DYNC2H1: variants seen among roughly 807,000 people sequenced by gnomAD.
DYNC2H1 encodes cytoplasmic dynein 2 heavy chain 1.
DYNC2H1 carries 410 observed loss-of-function variants against 570.0 expected under a neutral mutation model. The observed-to-expected ratio is 0.72, with a 90% confidence interval of 0.66 to 0.78. DYNC2H1 has a LOEUF of 0.78. DYNC2H1 is among the 30% of genes least tolerant of loss of function. The pLI is 0.00. For synonymous variants in DYNC2H1, 1,688 were observed against 1,677.6 expected (o/e 1.01, Z -0.15); for missense variants, 4,865 against 5,046.4 (o/e 0.96, Z 1.09).
Position 103,209,820 on chromosome 11 carries a change from T to A in DYNC2H1, c.8455-56T>A. The A allele has an allele frequency of 7.6e-7, 1 of 1,323,004 alleles. No individual in the cohort carries two copies. The allele number at this position is 1,323,004 out of a possible 1,614,324, so 82.0% of individuals were successfully genotyped here. A position where few individuals can be genotyped will look rare whatever the true frequency, so the allele number is the denominator to read the frequency against. On this transcript the variant is annotated intron_variant, in intron 52 of 88. Coordinates refer to ENST00000375735, the MANE Select transcript of DYNC2H1 (RefSeq NM_001377.3). This position sits in a 1 kb window ranked among gnomAD's most constrained non-coding sequence, Gnocchi z 4.2. The stretch of plus-strand genomic sequence containing the variant: ...TGACTTTTTTTGTATTAAAGGTTTT[T>A]AACTTATGATATGGGACTTATACTC...
chr11:103,157,559 A>C lies in DYNC2H1; in HGVS notation c.4127+789A>C, dbSNP rs1860892696. The stretch of plus-strand genomic sequence containing the variant: ...CACTTTTACATACATTAAGTTGCCA[A>C]ATTTTGTTGATTCTAACCTGCTTAG... On this transcript the variant is annotated intron_variant, in intron 26 of 88. Transcript: ENST00000375735. The surrounding 1 kb of genome is among the most constrained non-coding windows in gnomAD (Gnocchi z 4.2). Among the ~76,000 whole-genome samples the C allele has an allele frequency of 6.6e-6, 1 of 152,206 alleles. No individual in the cohort carries two copies. The highest frequency in any genetic ancestry group is 2.1e-4 in the South Asian group (1 of 4,834).
chr11:103,459,385 T>C (rs185352701), intron 87 of DYNC2H1, among the ~76,000 whole-genome samples: 1 of 152,020 alleles, frequency 6.6e-6, no homozygotes, highest in African/African-American at 2.4e-5. Context: ...TGTTTTCGTA[T>C]TACTACTATT....
intron 84 of DYNC2H1, among the ~76,000 whole-genome samples, chr11:103,400,210 G>C (rs1167044129): frequency 6.6e-6 from 1 of 152,128 alleles, no homozygotes; most frequent in Admixed American, 6.5e-5. Flanking sequence ...CCAACAGAAA[G>C]AACACGTGTT....
intron 83 of DYNC2H1, among the ~76,000 whole-genome samples, chr11:103,399,141 T>TTC (rs1942518463): frequency 1.4e-5 from 2 of 139,752 alleles, no homozygotes; most frequent in South Asian, 2.3e-4. Context: ...CCACACCGTT[T>TTC]TTTTTTTGTT....
At position 103,282,231 on chromosome 11, in the gene DYNC2H1, T is replaced by A; in HGVS notation, c.10812+2T>A. 1 of 1,607,410 alleles carries A rather than the reference T, an allele frequency of 6.2e-7. No homozygotes were observed. The highest frequency in any genetic ancestry group is 1.1e-5 in the South Asian group (1 of 89,280). On this transcript the variant is annotated splice_donor_variant, in intron 72 of 88. Transcript: ENST00000375735. LOFTEE classifies it high-confidence loss of function. ...GTTGGAGACATGTTACGGAAAGCTG[T>A]AAGTTAAAATAACAAAATCTATTTT...
intron 82 of DYNC2H1, among the ~76,000 whole-genome samples, chr11:103,354,189 A>C (rs1249038130): frequency 6.6e-6 from 1 of 150,680 alleles, no homozygotes; most frequent in African/African-American, 2.4e-5. Context: ...AACAAAAAAA[A>C]AAAAAAAAAA....
At position 103,244,269 on chromosome 11, in the gene DYNC2H1, G is replaced by GT. The variant is rs1263320252; in HGVS notation, c.9918+479dup. Among the ~76,000 whole-genome samples, 3 of 151,962 alleles carry GT rather than the reference G, an allele frequency of 2.0e-5. No homozygotes were observed. Among genetic ancestry groups the GT allele is most frequent in the Non-Finnish European group, 4.4e-5 (3 of 67,942 alleles). Reference sequence around the variant, plus strand: ...TATCCCAAGATTTGATAATTGTTCAGTGAAATATAATCATAGTCTTTTTGG... The same window carrying GT: ...TATCCCAAGATTTGATAATTGTTCAGTTGAAATATAATCATAGTCTTTTTGG... On this transcript the variant is annotated intron_variant, in intron 64 of 88. Coordinates refer to ENST00000375735, the MANE Select transcript of DYNC2H1 (RefSeq NM_001377.3). The surrounding 1 kb of genome is among the most constrained non-coding windows in gnomAD (Gnocchi z 4.3).
chr11:103,287,165 T>C (rs1052439053), intron 74 of DYNC2H1, among the ~76,000 whole-genome samples: 1 of 151,764 alleles, frequency 6.6e-6, no homozygotes, highest in African/African-American at 2.4e-5. Context: ...AACGTAAAAA[T>C]AGTGATTTGA....
chr11:103,346,627 TATC>T (rs59439164), intron 82 of DYNC2H1, among the ~76,000 whole-genome samples: 22,588 of 152,118 alleles, frequency 0.15, 1,804 homozygotes, highest in Admixed American at 0.25. Flanking sequence ...TATTTACTAA[TATC>T]ATAGACTTGA....
intron 55 of DYNC2H1, 63 bp from the exon 56 acceptor site, chr11:103,219,852 A>C: frequency 1.1e-6 from 1 of 937,684 alleles, no homozygotes; most frequent in South Asian, 1.6e-5. Context: ...TATATTTTGG[A>C]TTTCATGCTT....
rs1454156232 is a variant in DYNC2H1 at position 103,461,042 on chromosome 11, C to T, written c.12648+4686C>T. The stretch of plus-strand genomic sequence containing the variant: ...TCTACATATGAGATTTAAGATAACT[C>T]GACAGAACTTTTCCTCTCTCTGGTC... On this transcript the variant is annotated intron_variant, in intron 87 of 88. Transcript: ENST00000375735. The surrounding 1 kb of genome is among the most constrained non-coding windows in gnomAD (Gnocchi z 4.8). Among the ~76,000 whole-genome samples, 3 of 152,088 alleles carry T rather than the reference C, an allele frequency of 2.0e-5. No homozygotes were observed. The highest frequency in any genetic ancestry group is 3.9e-4 in the East Asian group (2 of 5,194).
At chr11:103,262,041 C>CT (rs888399992) in intron 70 of DYNC2H1, among the ~76,000 whole-genome samples, 4 of 151,688 alleles carry the variant, frequency 2.6e-5, no homozygotes, top group African/African-American at 4.8e-5. Flanking sequence ...AGCACAAGAA[C>CT]TGTGTGAAGC....
chr11:103,192,642 C>T (rs1281524804), intron 47 of DYNC2H1, among the ~76,000 whole-genome samples: 1 of 152,138 alleles, frequency 6.6e-6, no homozygotes, highest in Non-Finnish European at 1.5e-5. Flanking sequence ...TTATTCCTGT[C>T]ACTACGTATA....
chr11:103,161,026 T>G lies in DYNC2H1; in HGVS notation c.4473T>G (p.Pro1491=). 1 of 1,510,550 alleles carries G rather than the reference T, an allele frequency of 6.6e-7. No homozygotes were observed. Among genetic ancestry groups the G allele is most frequent in the Non-Finnish European group, 8.9e-7 (1 of 1,124,698 alleles). The allele number at this position is 1,510,550 out of a possible 1,614,324, so 93.6% of individuals were successfully genotyped here. A position where few individuals can be genotyped will look rare whatever the true frequency, so the allele number is the denominator to read the frequency against. Reference sequence around the variant, plus strand: ...TTGTACCTTTTAAAAATAAAGTTCCTCTATCAAATAATGTAGAGGTAAGCA... The same window carrying G: ...TTGTACCTTTTAAAAATAAAGTTCCGCTATCAAATAATGTAGAGGTAAGCA... ...GEVVPFKNKV[P]LSNNVETWLN... is the part of the protein sequence containing the mutation. The change falls in exon 29 of 89, where the codon CCT becomes CCG. Residue 1491 remains proline (P), a synonymous_variant. Transcript: ENST00000375735.
chr11:103,443,552 A>G (rs1286222615), intron 85 of DYNC2H1, among the ~76,000 whole-genome samples: 1 of 151,860 alleles, frequency 6.6e-6, no homozygotes, highest in African/African-American at 2.4e-5. Flanking sequence ...AGTAATATAT[A>G]TTCTAGAAAG....
rs747773362 is a variant in DYNC2H1, at chr11:103,321,151, T to G, written c.11848T>G (p.Ser3950Ala). ...LQSYLKQFFN[S>A]SVIDVFNQRN... ...GTCATACCTGAAGCAGTTTTTTAAT[T>G]CTTCAGTTATTGATGTATTCAACCA... The change falls in exon 81 of 89, where the codon TCT (serine) becomes GCT (alanine). Residue 3950 changes from serine (S) to alanine (A), a missense_variant. Physicochemically the swap from Ser to Ala is moderately conservative, Grantham distance 99 (BLOSUM62 1). Transcript: ENST00000375735. 3.1e-6 allele frequency: 5 copies of G among 1,612,066 alleles called. No homozygotes were observed. Among genetic ancestry groups the G allele is most frequent in the Non-Finnish European group, 4.2e-6 (5 of 1,178,894 alleles).
intron 9 of DYNC2H1, 144 bp downstream of exon 9, chr11:103,121,180 T>A: frequency 3.2e-6 from 3 of 923,922 alleles, no homozygotes; most frequent in Non-Finnish European, 4.6e-6. Flanking sequence ...CTGTTATAAA[T>A]GACAGATTTT....
intron 79 of DYNC2H1, among the ~76,000 whole-genome samples, chr11:103,313,111 C>G (rs1490199599): frequency 6.6e-6 from 1 of 152,168 alleles, no homozygotes; most frequent in Non-Finnish European, 1.5e-5. Flanking sequence ...TTGGTTATTA[C>G]TTTGCTTAAA....
chr11:103,459,808 C>T (rs998747748), intron 87 of DYNC2H1, among the ~76,000 whole-genome samples: 4 of 150,870 alleles, frequency 2.7e-5, no homozygotes, highest in African/African-American at 4.9e-5. Context: ...AAAAATTAGC[C>T]GGGCGCGGTG....
Sources: gnomAD v4.1 joint callset for allele counts (sites outside exome capture counted in the v4.1 genomes callset) on GRCh38, gnomAD v4.1.1 for gene constraint, Gnocchi (gnomAD v3.1) non-coding constraint, MANE v1.5 for transcripts, NCBI Gene and HGNC (gene_info 2026-07-23, HGNC 2026-07-21) for gene names.